Variants in EDEM2 observed in about 807,000 individuals in gnomAD.
EDEM2 encodes ER degradation-enhancing alpha-mannosidase-like protein 2.
Under a neutral mutation model 64.8 loss-of-function variants are expected in EDEM2, and 39 were observed. The observed-to-expected ratio is 0.60, with a 90% confidence interval of 0.47 to 0.79. EDEM2 has a LOEUF of 0.79. Among genes scored for constraint, EDEM2 ranks in the 30% least tolerant of loss-of-function variants. EDEM2 has a pLI of 0.00. For missense variants in EDEM2, 609 were observed against 731.3 expected, an observed-to-expected ratio of 0.83 and a Z score of 1.93; for synonymous variants, 296 against 291.5, an observed-to-expected ratio of 1.02 and a Z score of -0.16.
intron 9 of EDEM2, 57 bp downstream of exon 9, chr20:35,123,833 T>C: frequency 1.9e-6 from 3 of 1,592,470 alleles, no homozygotes; most frequent in Non-Finnish European, 2.6e-6. Flanking sequence ...TAGAGGGGAT[T>C]TGGGGTTTCA....
chr20:35,124,691 T>G (rs977818282), intron 8 of EDEM2, among the ~76,000 whole-genome samples: 1 of 152,190 alleles, frequency 6.6e-6, no homozygotes, highest in Non-Finnish European at 1.5e-5. Context: ...ACTGGTTTCT[T>G]GTATAACCTT....
At chr20:35,131,590 C>A in intron 7 of EDEM2, 52 bp downstream of exon 7, 2 of 1,594,750 alleles carry the variant, frequency 1.3e-6, no homozygotes, top group Middle Eastern at 1.7e-4. Context: ...AAACAAATCA[C>A]ACATCAGCAA....
At chr20:35,129,169 G>C (rs1030178447) in intron 7 of EDEM2, among the ~76,000 whole-genome samples, 2 of 152,168 alleles carry the variant, frequency 1.3e-5, no homozygotes, top group Admixed American at 1.3e-4. Flanking sequence ...CACTTTGGGA[G>C]GCCGAGGCGG....
rs186437951 is a variant in EDEM2 at position 35,123,200 on chromosome 20, T to C, written c.1114+690A>G. Among the ~76,000 whole-genome samples, 4 of 152,288 alleles carry C rather than the reference T, an allele frequency of 2.6e-5. No individual in the cohort carries two copies. The East Asian group carries it at 7.7e-4, about 29-fold the overall frequency. ...ACGTAAGCATAATTTATCTGACCCATGGACTTAGGAAGCTTGCCTACACTT... is the reference window on the plus strand; with the variant it reads ...ACGTAAGCATAATTTATCTGACCCACGGACTTAGGAAGCTTGCCTACACTT... On this transcript the variant is annotated intron_variant, in intron 9 of 10. Transcript: ENST00000374492.
intron 7 of EDEM2, 127 bp from the exon 8 acceptor site, chr20:35,126,502 G>T: frequency 8.6e-7 from 1 of 1,163,690 alleles, no homozygotes; most frequent in Non-Finnish European, 1.2e-6. Context: ...AAGGAGGCTA[G>T]ACAAGAGCAT....
chr20:35,138,471 CTCTG>C (rs754804666), intron 4 of EDEM2, among the ~76,000 whole-genome samples: 65 of 152,234 alleles, frequency 4.3e-4, no homozygotes, highest in Non-Finnish European at 9.1e-4. Flanking sequence ...CCATTTGTCA[CTCTG>C]TCTGTCTCCC....
intron 7 of EDEM2, 110 bp from the exon 8 acceptor site, chr20:35,126,485 A>G (rs1569177030): frequency 1.3e-5 from 17 of 1,339,888 alleles, no homozygotes; most frequent in Admixed American, 6.1e-5. Context: ...CCAGGATGCA[A>G]TGAGGCAAGG....
At chr20:35,132,509 C>G (rs2085518486) in intron 6 of EDEM2, among the ~76,000 whole-genome samples, 1 of 151,858 alleles carries the variant, frequency 6.6e-6, no homozygotes, top group Non-Finnish European at 1.5e-5. Context: ...CAAAAATTAG[C>G]CAGGCATGGT....
chr20:35,122,727 T>C (rs2085384512), intron 9 of EDEM2, among the ~76,000 whole-genome samples: 6 of 152,216 alleles, frequency 3.9e-5, no homozygotes, highest in African/African-American at 1.2e-4. Context: ...GAAACATCAA[T>C]AACAGTGGCC....
intron 4 of EDEM2, among the ~76,000 whole-genome samples, chr20:35,140,973 AGCAGGGCACGGTG>A (rs770307113): frequency 2.2e-4 from 33 of 152,146 alleles, no homozygotes; most frequent in Non-Finnish European, 5.9e-5. Flanking sequence ...TACAAAAATT[AGCAGGGCACGGTG>A]GCAGGCACCT....
intron 8 of EDEM2, among the ~76,000 whole-genome samples, chr20:35,124,432 G>A (rs924914121): frequency 7.9e-5 from 12 of 152,180 alleles, no homozygotes; most frequent in Middle Eastern, 3.4e-3. Flanking sequence ...ACAGGGTCTC[G>A]CTCTGTCACC....
intron 7 of EDEM2, among the ~76,000 whole-genome samples, chr20:35,129,420 A>T (rs2085478959): frequency 6.6e-6 from 1 of 150,592 alleles, no homozygotes; most frequent in South Asian, 2.1e-4. Flanking sequence ...AGAAAAAAAA[A>T]ATCAGCCAGG....
In EDEM2 at chr20:35,136,862, G is replaced by A. The variant is rs184203358; in HGVS notation, c.490+1018C>T. 7.0e-4 allele frequency among the ~76,000 whole-genome samples: 107 copies of A among 152,054 alleles called. 1 individual carries two copies. The highest frequency in any genetic ancestry group is 2.2e-3 in the African/African-American group (92 of 41,484). The stretch of plus-strand genomic sequence containing the variant: ...CGTGTCTGGGTGTGAACAGTCCTCA[G>A]AGCCTCCACCACACCCTGAAGGGAA... On this transcript the variant is annotated intron_variant, in intron 5 of 10. Coordinates refer to ENST00000374492, the MANE Select transcript of EDEM2 (RefSeq NM_018217.3).
In EDEM2 at chr20:35,115,379, C is replaced by T. The variant is rs2146081635; in HGVS notation, c.*54G>A. On this transcript the variant is annotated 3_prime_UTR_variant, in exon 11 of 11. Transcript: ENST00000374492. ...ATAACCAAAATATGATAGCCAAAAG[C>T]AATTTATTATAGTTTAGCCTCAAAA... 7 of 1,542,368 alleles carry T rather than the reference C, an allele frequency of 4.5e-6. No homozygotes were observed. Among genetic ancestry groups the T allele is most frequent in the Non-Finnish European group, 6.1e-6 (7 of 1,147,108 alleles).
At chr20:35,137,474 T>G (rs1377443048) in intron 5 of EDEM2, among the ~76,000 whole-genome samples, 1 of 152,080 alleles carries the variant, frequency 6.6e-6, no homozygotes, top group Non-Finnish European at 1.5e-5. Context: ...CGATGTTGGC[T>G]GGCAGAGCTG....
chr20:35,115,993 G>A (rs2085305687), intron 10 of EDEM2, 60 bp from the exon 11 acceptor site: 2 of 1,567,490 alleles, frequency 1.3e-6, no homozygotes, highest in Non-Finnish European at 1.7e-6. Context: ...GTAAGGGTCA[G>A]GCAATCCCTT....
At chr20:35,124,251 A>G (rs1569176064) in intron 8 of EDEM2, among the ~76,000 whole-genome samples, 1 of 152,188 alleles carries the variant, frequency 6.6e-6, no homozygotes, top group East Asian at 1.9e-4. Flanking sequence ...GCATTGTTGG[A>G]AGGAACAAAG....
intron 1 of EDEM2, 75 bp downstream of exon 1, chr20:35,147,077 G>T: frequency 6.4e-7 from 1 of 1,553,156 alleles, no homozygotes; most frequent in Non-Finnish European, 8.7e-7. Context: ...GTCGGGGTCT[G>T]GGATGGACGG....
chr20:35,139,653 A>C (rs1235348510), intron 4 of EDEM2, among the ~76,000 whole-genome samples: 1 of 148,406 alleles, frequency 6.7e-6, no homozygotes, highest in Non-Finnish European at 1.5e-5. Flanking sequence ...CCATCTCAGA[A>C]AAAAAAAAAA....
Sources: allele counts gnomAD v4.1 joint callset (sites outside exome capture counted in the v4.1 genomes callset), GRCh38; gene constraint gnomAD v4.1.1; transcripts MANE v1.5; gene names NCBI Gene and HGNC (gene_info 2026-07-23, HGNC 2026-07-21).